The following CEP72 variants were observed in gnomAD, a reference collection of about 807,000 sequenced individuals.
CEP72 encodes centrosomal protein of 72 kDa.
A neutral mutation model predicts 65.7 loss-of-function variants in CEP72; 78 were observed. The ratio of observed to expected loss-of-function variants is 1.19; its 90% CI spans 0.99 to 1.43. The LOEUF is 1.43. Among genes scored for constraint, CEP72 ranks in the 40% most tolerant of loss-of-function variants. The pLI is 0.00. For synonymous variants in CEP72, 358 were observed against 351.7 expected, an observed-to-expected ratio of 1.02 and a Z score of -0.20; for missense variants, 914 against 832.9, an observed-to-expected ratio of 1.10 and a Z score of -1.20.
intron 4 of CEP72, among the ~76,000 whole-genome samples, chr5:626,386 C>T (rs920247214): frequency 1.4e-4 from 21 of 152,132 alleles, no homozygotes; most frequent in African/African-American, 3.9e-4. Flanking sequence ...TGTCTTCATG[C>T]GGAGAAGGCT....
At position 625,111 on chromosome 5, in the gene CEP72, C is replaced by T. The variant is rs371116869; in HGVS notation, c.512+532C>T. 3.9e-5 allele frequency among the ~76,000 whole-genome samples: 6 copies of T among 152,282 alleles called. No individual in the cohort carries two copies. The East Asian group carries it at 9.7e-4, about 25-fold the overall frequency. On this transcript the variant is annotated intron_variant, in intron 4 of 11. Transcript: ENST00000264935. ...GGAGACCGTGGGCGTGTGTGTGAGC[C>T]GGGCCTGCTTCCCCTTGCAGCCCCA... is the stretch of plus-strand genomic sequence containing the variant.
chr5:647,733 T>G, intron 10 of CEP72, 72 bp from the exon 11 acceptor site: 2 of 968,062 alleles, frequency 2.1e-6, no homozygotes, highest in Non-Finnish European at 3.2e-6. Flanking sequence ...AAATGTAGAA[T>G]TGTTTTCATT....
intron 9 of CEP72, chr5:642,855 A>C: frequency 6.1e-6 from 6 of 985,310 alleles, no homozygotes; most frequent in Non-Finnish European, 7.2e-6. Flanking sequence ...ACCCAAGTTT[A>C]CTCTGCCACG....
At chr5:616,831 T>TGTGTGTGTGTGC (rs1554010789) in intron 1 of CEP72, among the ~76,000 whole-genome samples, 2 of 147,768 alleles carry the variant, frequency 1.4e-5, no homozygotes, top group Non-Finnish European at 3.0e-5. Context: ...TGTGTGTGTG[T>TGTGTGTGTGTGC]GCGCGCGAGT....
At chr5:670,413 ATC>A (rs138539560), downstream of CEP72, among the ~76,000 whole-genome samples, 326 of 152,160 alleles carry the variant, frequency 2.1e-3, 1 homozygote, top group African/African-American at 7.6e-3. Flanking sequence ...GTGGAGGGGA[ATC>A]TCTGGGGAAA....
intron 7 of CEP72, among the ~76,000 whole-genome samples, chr5:638,478 A>G (rs1258389936): frequency 1.3e-5 from 2 of 151,536 alleles, no homozygotes; most frequent in Non-Finnish European, 2.9e-5. Context: ...ACTCCCATGC[A>G]GGCAGAGGAG....
downstream of CEP72, among the ~76,000 whole-genome samples, chr5:656,683 C>T (rs1196915391): frequency 6.6e-6 from 1 of 152,212 alleles, no homozygotes; most frequent in African/African-American, 2.4e-5. Flanking sequence ...TTTTTAGGCA[C>T]ACAGTCATGT....
At chr5:616,141 C>A (rs1169770624) in intron 1 of CEP72, among the ~76,000 whole-genome samples, 1 of 152,060 alleles carries the variant, frequency 6.6e-6, no homozygotes, top group Non-Finnish European at 1.5e-5. Flanking sequence ...AGGTTTCTTT[C>A]GTTTTTCCTT....
chr5:669,469 T>G (rs546571679), downstream of CEP72, among the ~76,000 whole-genome samples: 1 of 152,102 alleles, frequency 6.6e-6, no homozygotes, highest in Non-Finnish European at 1.5e-5. Context: ...GTGGGGGTGT[T>G]GACTCTCTGG....
intron 9 of CEP72, chr5:642,454 G>T (rs552267660): frequency 3.0e-6 from 3 of 985,368 alleles, no homozygotes; most frequent in South Asian, 4.7e-5. Flanking sequence ...GCTGGGCGCC[G>T]TCACTGATGA....
At chr5:669,094 A>G (rs946531868), downstream of CEP72, among the ~76,000 whole-genome samples, 1 of 152,134 alleles carries the variant, frequency 6.6e-6, no homozygotes, top group Non-Finnish European at 1.5e-5. Context: ...CACAGCTCAG[A>G]CCCTCACGCC....
intron 4 of CEP72, among the ~76,000 whole-genome samples, chr5:625,657 A>C (rs1736707001): frequency 6.6e-6 from 1 of 152,092 alleles, no homozygotes; most frequent in Non-Finnish European, 1.5e-5. Context: ...CCATCACCCC[A>C]TTTCAAACCA....
intron 10 of CEP72, among the ~76,000 whole-genome samples, chr5:646,775 G>A (rs974287509): frequency 6.6e-6 from 1 of 152,330 alleles, no homozygotes; most frequent in East Asian, 1.9e-4. Flanking sequence ...ACACTTGGGG[G>A]CTGTCCCGTT....
chr5:649,701 C>G (rs62650524), intron 11 of CEP72, among the ~76,000 whole-genome samples: 192 of 13,116 alleles, frequency 0.015, no homozygotes, highest in Middle Eastern at 0.062. Context: ...GACTGTGAGG[C>G]GTGGACTGTG....
chr5:652,681 C>T (rs1461066247), intron 11 of CEP72, among the ~76,000 whole-genome samples: 7 of 152,206 alleles, frequency 4.6e-5, no homozygotes, highest in Admixed American at 3.9e-4. Context: ...TAAAACCATG[C>T]GTAGCTGGAA....
chr5:666,268 A>T, intron 4 of CEP72: 5 of 871,810 alleles, frequency 5.7e-6, no homozygotes, highest in Non-Finnish European at 6.9e-6. Flanking sequence ...AGCACTGCAA[A>T]TCCAAACTGT....
At chr5:618,333 C>T (rs1055569576) in intron 1 of CEP72, among the ~76,000 whole-genome samples, 24 of 152,208 alleles carry the variant, frequency 1.6e-4, no homozygotes, top group African/African-American at 5.3e-4. Flanking sequence ...TTTCAGATTA[C>T]GAGGATACAT....
chr5:636,515 T>A (rs1338518086), intron 6 of CEP72, among the ~76,000 whole-genome samples: 1 of 152,148 alleles, frequency 6.6e-6, no homozygotes, highest in Admixed American at 6.5e-5. Context: ...TCAGAAAACC[T>A]CCTGCCGTGA....
intron 4 of CEP72, among the ~76,000 whole-genome samples, chr5:632,808 A>G (rs1408393093): frequency 2.3e-4 from 12 of 51,306 alleles, no homozygotes; most frequent in Non-Finnish European, 4.4e-4. Context: ...CAGCGCCGGG[A>G]TTTGGCCCAG....
Sources: gnomAD v4.1 joint callset for allele counts (sites outside exome capture counted in the v4.1 genomes callset) on GRCh38, gnomAD v4.1.1 for gene constraint, MANE v1.5 for transcripts, NCBI Gene and HGNC (gene_info 2026-07-23, HGNC 2026-07-21) for gene names.